Variants in CDKN2AIPNL observed in about 807,000 individuals in gnomAD.
CDKN2AIPNL encodes the protein XRN2 binding domain containing 1.
In CDKN2AIPNL, 9 loss-of-function variants were observed where a neutral mutation model predicts 12.9. The observed-to-expected ratio is 0.70, with a 90% CI of 0.42 to 1.22. CDKN2AIPNL has a LOEUF of 1.22. Among genes scored for constraint, CDKN2AIPNL ranks in the 50% most tolerant of loss-of-function variants. The probability of loss-of-function intolerance (pLI) is 0.00; values close to 1 mark genes in which losing one functional copy is unlikely to be tolerated. For synonymous variants in CDKN2AIPNL, 53 were observed against 61.7 expected (o/e 0.86, Z 0.66); for missense variants, 143 against 153.6 (o/e 0.93, Z 0.37).
chr5:134,404,157 G>A (rs1759068317), intron 2 of CDKN2AIPNL, among the ~76,000 whole-genome samples: 1 of 152,182 alleles, frequency 6.6e-6, no homozygotes, highest in Non-Finnish European at 1.5e-5. Flanking sequence ...GGTGTTTGCA[G>A]GTGATACACT....
chr5:134,407,932 A>C (rs1411426068), intron 2 of CDKN2AIPNL, among the ~76,000 whole-genome samples: 1 of 152,058 alleles, frequency 6.6e-6, no homozygotes, highest in African/African-American at 2.4e-5. Flanking sequence ...GGAGTTCAAG[A>C]CCAGCCTGGA....
chr5:134,402,661 A>G lies in CDKN2AIPNL; in HGVS notation c.*254T>C. 1 of 356,792 alleles carries G rather than the reference A, an allele frequency of 2.8e-6. No individual in the cohort carries two copies. Among genetic ancestry groups the G allele is most frequent in the Non-Finnish European group, 5.0e-6 (1 of 199,056 alleles). 22.1% of individuals were successfully genotyped at this position (356,792 alleles called of 1,614,324 possible). A position where few individuals can be genotyped will look rare whatever the true frequency, so the allele number is the denominator to read the frequency against. On this transcript the variant is annotated 3_prime_UTR_variant, in exon 3 of 3. Transcript: ENST00000458198. ...TGAAAACAGAAAAGAGGGCTTTTAC[A>G]ATGTTGATGAACTCATCTTAGAGTG...
chr5:134,411,471 A>C, intron 1 of CDKN2AIPNL, 145 bp downstream of exon 1: 1 of 666,464 alleles, frequency 1.5e-6, no homozygotes, highest in Non-Finnish European at 2.6e-6. Flanking sequence ...CAGGGTGGGA[A>C]TCAGTCTTCG....
Position 134,411,708 on chromosome 5 carries a change from G to A in CDKN2AIPNL, c.147C>T (p.Pro49=), listed in dbSNP as rs568676310. The stretch of plus-strand genomic sequence containing the variant: ...TGCCGTCGGGCGGGTCGCGGTAGTC[G>A]GGCAGGTGGCGCAGGATGAATTCCA... The part of the protein sequence containing the change: ...ARMEFILRHL[P]DYRDPPDGSG... The change falls in exon 1 of 3, where the codon CCC becomes CCT. Residue 49 remains proline (P), a synonymous_variant. Transcript: ENST00000458198. 6.2e-6 allele frequency: 10 copies of A among 1,613,136 alleles called. No individual in the cohort carries two copies. The African/African-American group carries it at 1.1e-4, about 17-fold the overall frequency.
intron 2 of CDKN2AIPNL, among the ~76,000 whole-genome samples, chr5:134,407,699 G>A (rs567571123): frequency 1.3e-5 from 2 of 151,420 alleles, no homozygotes; most frequent in South Asian, 2.1e-4. Flanking sequence ...GCTTAAACTC[G>A]CGAGGCAGAG....
chr5:134,405,467 A>G (rs1054126373), intron 2 of CDKN2AIPNL, among the ~76,000 whole-genome samples: 1 of 149,810 alleles, frequency 6.7e-6, no homozygotes, highest in African/African-American at 2.5e-5. Context: ...CCCAGGCTGG[A>G]GTGCAATGAC....
Position 134,411,687 on chromosome 5 carries a change from G to C in CDKN2AIPNL, c.168C>G (p.Asp56Glu), listed in dbSNP as rs1202488342. Reference sequence around the variant, plus strand: ...GCAGCTGGTCCAGGCGGCCACTGCCGTCGGGCGGGTCGCGGTAGTCGGGCA... The same window carrying C: ...GCAGCTGGTCCAGGCGGCCACTGCCCTCGGGCGGGTCGCGGTAGTCGGGCA... ...RHLPDYRDPP[D>E]GSGRLDQLLS... The change falls in exon 1 of 3, where the codon GAC becomes GAG. Residue 56 changes from aspartate to glutamate, a missense_variant. Transcript: ENST00000458198. The C allele has an allele frequency of 1.2e-6, 2 of 1,613,028 alleles. No individual in the cohort carries two copies. Among genetic ancestry groups the C allele is most frequent in the South Asian group, 1.1e-5 (1 of 90,888 alleles).
intron 1 of CDKN2AIPNL, chr5:134,410,808 A>G: frequency 1.7e-6 from 1 of 577,168 alleles, no homozygotes; most frequent in South Asian, 2.1e-5. Flanking sequence ...CAGCCATAAT[A>G]GGTATAGAAA....
chr5:134,409,762 T>A, intron 2 of CDKN2AIPNL, 141 bp downstream of exon 2: 1 of 520,664 alleles, frequency 1.9e-6, no homozygotes, highest in South Asian at 3.4e-5. Flanking sequence ...ATACCAATTA[T>A]GGGGAAATAA....
intron 2 of CDKN2AIPNL, among the ~76,000 whole-genome samples, chr5:134,406,692 A>T (rs1220927206): frequency 6.6e-6 from 1 of 152,196 alleles, no homozygotes; most frequent in African/African-American, 2.4e-5. Context: ...CAGCCTGGGG[A>T]ACATAGCAAA....
intron 2 of CDKN2AIPNL, among the ~76,000 whole-genome samples, chr5:134,406,510 T>C (rs1394091670): frequency 6.6e-6 from 1 of 152,164 alleles, no homozygotes; most frequent in Admixed American, 6.5e-5. Context: ...CTCTTTCCAG[T>C]GGCATTCAAT....
intron 1 of CDKN2AIPNL, among the ~76,000 whole-genome samples, chr5:134,410,260 C>G (rs542570053): frequency 1.3e-5 from 2 of 152,118 alleles, no homozygotes; most frequent in South Asian, 4.1e-4. Flanking sequence ...CTCAGCCTCC[C>G]GAGTAGCTGG....
intron 2 of CDKN2AIPNL, 47 bp downstream of exon 2, chr5:134,409,856 G>C (rs1367515626): frequency 7.9e-7 from 1 of 1,266,930 alleles, no homozygotes; most frequent in Admixed American, 1.7e-5. Context: ...GGCAGGGACT[G>C]TTAACTCTAC....
intron 2 of CDKN2AIPNL, among the ~76,000 whole-genome samples, chr5:134,407,660 A>G (rs1759125410): frequency 1.3e-5 from 2 of 151,996 alleles, no homozygotes. Context: ...CTGTAATCCC[A>G]GCTTCTTGGG....
At chr5:134,405,785 G>C (rs914117345) in intron 2 of CDKN2AIPNL, among the ~76,000 whole-genome samples, 1 of 152,178 alleles carries the variant, frequency 6.6e-6, no homozygotes, top group African/African-American at 2.4e-5. Context: ...AATGGACCAC[G>C]TAAATTAGGT....
At chr5:134,411,015 G>A in intron 1 of CDKN2AIPNL, 1 of 702,192 alleles carries the variant, frequency 1.4e-6, no homozygotes, top group Non-Finnish European at 2.6e-6. Flanking sequence ...TTCACAAAAA[G>A]GCATCGGCCA....
chr5:134,403,562 TGA>T (rs551199674), intron 2 of CDKN2AIPNL, among the ~76,000 whole-genome samples: 2 of 152,244 alleles, frequency 1.3e-5, no homozygotes, highest in Non-Finnish European at 2.9e-5. Context: ...TGAATCAATC[TGA>T]GAGTCTTTTT....
At chr5:134,407,768 CAA>C (rs749911435) in intron 2 of CDKN2AIPNL, among the ~76,000 whole-genome samples, 17 of 84,942 alleles carry the variant, frequency 2.0e-4, no homozygotes, top group Admixed American at 2.5e-4. Context: ...AACTCCATCT[CAA>C]AAAAAAAAAA....
intron 2 of CDKN2AIPNL, among the ~76,000 whole-genome samples, chr5:134,409,170 C>T (rs773719103): frequency 6.6e-6 from 1 of 152,198 alleles, no homozygotes; most frequent in South Asian, 2.1e-4. Context: ...GAACTTTAGA[C>T]ACCATCTGTA....
Sources: gnomAD v4.1 joint callset for allele counts (sites outside exome capture counted in the v4.1 genomes callset) on GRCh38, gnomAD v4.1.1 for gene constraint, MANE v1.5 for transcripts, NCBI Gene and HGNC (gene_info 2026-07-23, HGNC 2026-07-21) for gene names.